The following TOGARAM2 variants were observed in gnomAD, a reference collection of about 807,000 sequenced individuals.
TOGARAM2 encodes the protein TOG array regulator of axonemal microtubules 2.
In TOGARAM2, 85 loss-of-function variants were observed where a neutral mutation model predicts 93.3. That is an observed-to-expected ratio of 0.91 (90% CI 0.76 to 1.09). The LOEUF (loss-of-function observed/expected upper bound fraction) is 1.09, where lower values mean the gene tolerates loss of function less well. Among genes scored for constraint, TOGARAM2 ranks in the 50% least tolerant of loss-of-function variants. TOGARAM2 has a pLI of 0.00. For synonymous variants in TOGARAM2, 593 were observed against 552.8 expected (o/e 1.07, Z -1.02); for missense variants, 1,277 against 1,334.5 (o/e 0.96, Z 0.67).
chr2:28,982,610 T>G (rs749458177), intron 1 of TOGARAM2, among the ~76,000 whole-genome samples: 2 of 151,898 alleles, frequency 1.3e-5, no homozygotes, highest in Admixed American at 6.6e-5. Context: ...GGGGAGGTAG[T>G]TGGGGGCAAG....
chr2:29,031,009 G>T (rs1370746238), intron 14 of TOGARAM2, among the ~76,000 whole-genome samples: 3 of 152,108 alleles, frequency 2.0e-5, no homozygotes, highest in African/African-American at 7.2e-5. Flanking sequence ...CACCCAAGAG[G>T]CACAATGGGG....
intron 12 of TOGARAM2, 138 bp downstream of exon 12, chr2:29,023,329 T>C: frequency 1.5e-6 from 1 of 687,854 alleles, no homozygotes; most frequent in Non-Finnish European, 2.4e-6. Flanking sequence ...GCCACTGAGG[T>C]AGGAGGTAGC....
chr2:29,015,229 G>C (rs1368711296), intron 8 of TOGARAM2, among the ~76,000 whole-genome samples: 1 of 152,134 alleles, frequency 6.6e-6, no homozygotes, highest in East Asian at 1.9e-4. Flanking sequence ...CCACTGTAGA[G>C]AGGACCACAG....
At chr2:29,048,900 G>T (rs1666909447) in intron 19 of TOGARAM2, 1 of 148,060 alleles carries the variant, frequency 6.8e-6, no homozygotes, top group African/African-American at 2.5e-5. Context: ...CCCAGGCTGG[G>T]GTGTAGTGGC....
chr2:29,032,468 C>T (rs1032002434), intron 14 of TOGARAM2, among the ~76,000 whole-genome samples: 9 of 152,210 alleles, frequency 5.9e-5, no homozygotes, highest in Admixed American at 5.9e-4. Flanking sequence ...ATTGACTACA[C>T]CCTCCTATAT....
Position 29,003,687 on chromosome 2 carries a change from G to C in TOGARAM2, c.830+5G>C. 6.6e-7 allele frequency: 1 copy of C among 1,518,214 alleles called. No individual in the cohort carries two copies. The highest frequency in any genetic ancestry group is 8.8e-7 in the Non-Finnish European group (1 of 1,132,694). The allele number at this position is 1,518,214 out of a possible 1,614,324, so 94.0% of individuals were successfully genotyped here. On this transcript the variant is annotated splice_donor_5th_base_variant and intron_variant, in intron 6 of 19. Coordinates refer to ENST00000379558, the MANE Select transcript of TOGARAM2 (RefSeq NM_199280.4). Reference sequence around the variant, plus strand: ...CCTGAGGGCCCCACGCACGCGGTAAGAGCTCCAAGTCAAACCTTCCTTGCT... The same window carrying C: ...CCTGAGGGCCCCACGCACGCGGTAACAGCTCCAAGTCAAACCTTCCTTGCT...
intron 7 of TOGARAM2, among the ~76,000 whole-genome samples, chr2:29,013,228 A>T (rs1426779029): frequency 6.6e-6 from 1 of 152,188 alleles, no homozygotes; most frequent in Non-Finnish European, 1.5e-5. Flanking sequence ...ATGAATGACA[A>T]AGCAATACTG....
chr2:29,007,177 C>T (rs1663931908), intron 6 of TOGARAM2, among the ~76,000 whole-genome samples: 1 of 152,142 alleles, frequency 6.6e-6, no homozygotes. Flanking sequence ...TTCACATCTC[C>T]TGCTCTAGCC....
chr2:29,014,025 C>T lies in TOGARAM2; in HGVS notation c.878-370C>T, dbSNP rs187164276. 2.2e-4 allele frequency among the ~76,000 whole-genome samples: 33 copies of T among 152,300 alleles called. No individual in the cohort carries two copies. The East Asian group carries it at 4.8e-3, about 22-fold the overall frequency. ...GGTCATATGAAAGGATTGGTGGGCC[C>T]ATTTTGCTTTTTCTTTTCCTGCCGT... On this transcript the variant is annotated intron_variant, in intron 7 of 19. Transcript: ENST00000379558.
chr2:28,965,359 C>G (rs1012106613), intron 1 of TOGARAM2, among the ~76,000 whole-genome samples: 1 of 152,116 alleles, frequency 6.6e-6, no homozygotes, highest in African/African-American at 2.4e-5. Flanking sequence ...CTTCTCATGA[C>G]TTTTGGATTG....
Position 28,994,863 on chromosome 2 carries a change from G to A in TOGARAM2, c.28+1G>A, listed in dbSNP as rs1029772226. ...GGCACCCGTGACGATGTCCCCGAAG[G>A]TAAGGGGCACCATGGGAGGCCTGCT... On this transcript the variant is annotated splice_donor_variant, in intron 2 of 19. Transcript: ENST00000379558. LOFTEE classifies it high-confidence loss of function. The A allele has an allele frequency of 6.4e-7, 1 of 1,552,588 alleles. No homozygotes were observed. The highest frequency in any genetic ancestry group is 8.7e-7 in the Non-Finnish European group (1 of 1,147,456).
intron 10 of TOGARAM2, among the ~76,000 whole-genome samples, chr2:29,020,903 T>C (rs1005829788): frequency 1.3e-5 from 2 of 152,178 alleles, no homozygotes; most frequent in African/African-American, 4.8e-5. Flanking sequence ...TGTCTCCGCT[T>C]TTTTTGTTTG....
At chr2:29,007,686 T>C (rs1003168697) in intron 6 of TOGARAM2, among the ~76,000 whole-genome samples, 5 of 152,140 alleles carry the variant, frequency 3.3e-5, no homozygotes, top group African/African-American at 9.7e-5. Flanking sequence ...ATTGAATGAA[T>C]GGCGGGTCCT....
intron 14 of TOGARAM2, among the ~76,000 whole-genome samples, chr2:29,027,879 GC>G (rs1163097086): frequency 1.3e-5 from 2 of 151,560 alleles, no homozygotes; most frequent in African/African-American, 4.8e-5. Flanking sequence ...GGTGGGGACG[GC>G]CAGCCTGGTG....
intron 13 of TOGARAM2, among the ~76,000 whole-genome samples, chr2:29,026,347 G>C (rs1558449571): frequency 1.3e-5 from 2 of 152,182 alleles, no homozygotes; most frequent in South Asian, 2.1e-4. Context: ...AAGGGAGACA[G>C]ATAACCTGGT....
intron 1 of TOGARAM2, among the ~76,000 whole-genome samples, chr2:28,983,763 A>G (rs1339888948): frequency 3.9e-5 from 6 of 152,074 alleles, no homozygotes; most frequent in Admixed American, 3.3e-4. Context: ...GCCCATTTGC[A>G]TCTCACCTGC....
intron 1 of TOGARAM2, among the ~76,000 whole-genome samples, chr2:28,966,187 C>T (rs894049076): frequency 7.9e-5 from 12 of 152,062 alleles, no homozygotes; most frequent in Non-Finnish European, 1.6e-4. Context: ...GACAGGGTTT[C>T]ACCATGTTGG....
At position 28,994,868 on chromosome 2, in the gene TOGARAM2, G is replaced by T. The variant is rs1228887770; in HGVS notation, c.28+6G>T. ...CCGTGACGATGTCCCCGAAGGTAAG[G>T]GGCACCATGGGAGGCCTGCTGCTGG... is the stretch of plus-strand genomic sequence containing the variant. On this transcript the variant is annotated splice_donor_region_variant and intron_variant, in intron 2 of 19. Transcript: ENST00000379558. 29 of 1,552,204 alleles carry T rather than the reference G, an allele frequency of 1.9e-5. No individual in the cohort carries two copies. The highest frequency in any genetic ancestry group is 2.5e-5 in the Non-Finnish European group (29 of 1,147,338).
At chr2:29,021,790 T>C (rs1664961728) in intron 10 of TOGARAM2, among the ~76,000 whole-genome samples, 1 of 152,016 alleles carries the variant, frequency 6.6e-6, no homozygotes, top group Non-Finnish European at 1.5e-5. Flanking sequence ...AGATCATTCA[T>C]TGATGGCTCA....
Sources: gnomAD v4.1 joint callset for allele counts (sites outside exome capture counted in the v4.1 genomes callset) on GRCh38, gnomAD v4.1.1 for gene constraint, MANE v1.5 for transcripts, NCBI Gene and HGNC (gene_info 2026-07-23, HGNC 2026-07-21) for gene names.